Variants in RFFL observed in about 807,000 individuals in gnomAD.
RFFL encodes the protein E3 ubiquitin-protein ligase rififylin.
RFFL carries 16 observed loss-of-function variants against 40.4 expected under a neutral mutation model. That is an observed-to-expected ratio of 0.40 (90% CI 0.27 to 0.60). The LOEUF (loss-of-function observed/expected upper bound fraction) is 0.60, where lower values mean the gene tolerates loss of function less well. Ranked by LOEUF, RFFL falls within the 20% of genes least tolerant of loss-of-function variation. The pLI is 0.47. For missense variants in RFFL, 367 were observed against 451.7 expected (o/e 0.81, Z 1.70); for synonymous variants, 154 against 167.9 (o/e 0.92, Z 0.64).
Position 35,061,814 on chromosome 17 carries a change from G to A in RFFL, c.-9+1762C>T, listed in dbSNP as rs2091292927. 3.3e-5 allele frequency among the ~76,000 whole-genome samples: 5 copies of A among 151,898 alleles called. No homozygotes were observed. In the South Asian group the frequency reaches 1.0e-3, roughly 32 times the overall value. ...TCCTGCTTCAGCATCCTGAGTAACT[G>A]GGATTATAGGCACGTGCCACCACGC... On this transcript the variant is annotated intron_variant, in intron 1 of 6. Coordinates refer to ENST00000394597, the MANE Select transcript of RFFL (RefSeq NM_001017368.2).
upstream of RFFL, among the ~76,000 whole-genome samples, chr17:35,067,921 C>G (rs1446823885): frequency 6.6e-6 from 1 of 152,118 alleles, no homozygotes; most frequent in Non-Finnish European, 1.5e-5. Context: ...GTCCGCTCAC[C>G]CACAAGAACC....
intron 1 of RFFL, among the ~76,000 whole-genome samples, chr17:35,027,041 C>G (rs1198737727): frequency 1.3e-5 from 2 of 152,130 alleles, no homozygotes; most frequent in Non-Finnish European, 2.9e-5. Context: ...AATGATGCAA[C>G]CCAGACTCAA....
In RFFL at chr17:35,021,631, C is replaced by A; in HGVS notation, c.331G>T (p.Asp111Tyr). 6.2e-7 allele frequency: 1 copy of A among 1,614,226 alleles called. No individual in the cohort carries two copies. The highest frequency in any genetic ancestry group is 8.5e-7 in the Non-Finnish European group (1 of 1,180,046). Reference protein sequence around the residue: ...LMKMKVKDLRDYLSLHDISTE... With the variant: ...LMKMKVKDLRYYLSLHDISTE... Reference sequence around the variant, plus strand: ...GAGATGTCATGGAGGCTGAGATAGTCCCTCAAGTCCTTCACCTTCATCTTC... The same window carrying A: ...GAGATGTCATGGAGGCTGAGATAGTACCTCAAGTCCTTCACCTTCATCTTC... Residue 111 changes from aspartate (D) to tyrosine (Y), a missense_variant, in exon 3 of 7, where the codon GAC (aspartate) becomes TAC (tyrosine). Transcript: ENST00000394597.
intron 1 of RFFL, among the ~76,000 whole-genome samples, chr17:35,040,371 GC>G (rs1234751156): frequency 1.4e-5 from 2 of 143,786 alleles, no homozygotes; most frequent in Non-Finnish European, 3.2e-5. Context: ...GGAGGCCAAG[GC>G]GGGCAGATCA....
intron 6 of RFFL, 143 bp from the exon 7 acceptor site, chr17:35,012,292 G>A (rs2090945918): frequency 1.5e-6 from 1 of 657,538 alleles, no homozygotes; most frequent in East Asian, 2.8e-5. Context: ...CCCTCAAATA[G>A]AGCTCCTCCG....
chr17:35,029,521 CT>C (rs34986105), intron 1 of RFFL, among the ~76,000 whole-genome samples: 40,283 of 114,750 alleles, frequency 0.35, 6,666 homozygotes, highest in Non-Finnish European at 0.44. Flanking sequence ...TTTTTGCTTT[CT>C]TTTTTTTTTT....
chr17:35,074,366 T>G (rs2091365728), intron 1 of RFFL: 1 of 152,232 alleles, frequency 6.6e-6, no homozygotes, highest in South Asian at 2.1e-4. Flanking sequence ...TGCTGTGGTT[T>G]TTGGATGTTT....
intron 3 of RFFL, 29 bp from the exon 4 acceptor site, chr17:35,017,635 C>T: frequency 1.4e-6 from 2 of 1,418,628 alleles, no homozygotes; most frequent in Non-Finnish European, 2.0e-6. Flanking sequence ...AACATCACAT[C>T]TAGAGATGTC....
rs1430187068 is a variant in RFFL at position 35,026,518 on chromosome 17, A to T, written c.36T>A (p.Asp12Glu). The change falls in exon 2 of 7, where the codon GAT becomes GAA. Residue 12 changes from aspartate (D) to glutamate (E), a missense_variant. Asp to Glu is a conservative substitution (Grantham distance 45). Transcript: ENST00000394597. ...WATCCNWFCL[D>E]GQPEEVPPPQ... ...GTGGTGGGACCTCCTCAGGCTGTCCATCCAGGCAGAACCAGTTGCAGCAGG... is the reference window on the plus strand; with the variant it reads ...GTGGTGGGACCTCCTCAGGCTGTCCTTCCAGGCAGAACCAGTTGCAGCAGG... The T allele has an allele frequency of 6.2e-7, 1 of 1,611,412 alleles. No individual in the cohort carries two copies. The highest frequency in any genetic ancestry group is 8.5e-7 in the Non-Finnish European group (1 of 1,179,248).
At chr17:35,014,835 A>T (rs1217493370) in intron 5 of RFFL, 72 bp from the exon 6 acceptor site, 2 of 1,454,368 alleles carry the variant, frequency 1.4e-6, no homozygotes, top group African/African-American at 2.8e-5. Context: ...TACTGCCCTG[A>T]CATCATTTCT....
chr17:35,014,815 T>C (rs2074519), intron 5 of RFFL, 52 bp from the exon 6 acceptor site: 910,877 of 1,562,206 alleles, frequency 0.58, 268,948 homozygotes, highest in African/African-American at 0.85. Context: ...ATGGTACAAA[T>C]ACAGTCTCTT....
rs373479228 is a variant in RFFL at position 35,016,502 on chromosome 17, C to T, written c.754G>A (p.Gly252Ser). ...SDLTDLEDIE[G>S]LTVRQLKEIL... ...TCTTTCAGCTGCCGCACTGTCAGGC[C>T]TTCAATGTCCTCCAGGTCAGTCAGG... is the stretch of plus-strand genomic sequence containing the variant. The change falls in exon 5 of 7, where the codon GGC (glycine) becomes AGC (serine). Residue 252 changes from glycine (G) to serine (S), a missense_variant. Coordinates refer to ENST00000394597, the MANE Select transcript of RFFL (RefSeq NM_001017368.2). The T allele has an allele frequency of 1.2e-6, 2 of 1,614,206 alleles. No individual in the cohort carries two copies. Among genetic ancestry groups the T allele is most frequent in the South Asian group, 1.1e-5 (1 of 91,086 alleles).
intron 1 of RFFL, among the ~76,000 whole-genome samples, chr17:35,077,515 TAGGGGTGAAGGGAAACCC>T (rs2142383542): frequency 1.3e-5 from 2 of 152,348 alleles, no homozygotes; most frequent in African/African-American, 4.8e-5. Context: ...GGCAACAGAT[TAGGGGTGAAGGGAAACCC>T]TTACAAAGCT....
chr17:35,029,622 A>G (rs1324254321), intron 1 of RFFL, among the ~76,000 whole-genome samples: 2 of 148,910 alleles, frequency 1.3e-5, no homozygotes, highest in East Asian at 3.9e-4. Context: ...CCGGGTTCAC[A>G]CCATTCTCCT....
intron 1 of RFFL, among the ~76,000 whole-genome samples, chr17:35,079,235 G>A (rs2091392427): frequency 6.6e-6 from 1 of 152,118 alleles, no homozygotes; most frequent in African/African-American, 2.4e-5. Flanking sequence ...TGTTGGCCAG[G>A]CTGGTCTTGA....
chr17:35,073,574 A>G (rs1479824439), intron 1 of RFFL, among the ~76,000 whole-genome samples: 3 of 152,342 alleles, frequency 2.0e-5, no homozygotes, highest in African/African-American at 7.2e-5. Context: ...TGAAGGCAGA[A>G]TATTTGCCTC....
chr17:35,013,711 T>A (rs1318682486), intron 6 of RFFL, among the ~76,000 whole-genome samples: 2 of 152,084 alleles, frequency 1.3e-5, no homozygotes, highest in African/African-American at 4.8e-5. Context: ...TGGGAATAAT[T>A]TATAATTTTC....
chr17:35,016,548 G>A lies in RFFL; in HGVS notation c.708C>T (p.Gly236=), dbSNP rs1323678476. ...TCAGGTCAGACAGAGAGGCCCTTCGGCCTGGGACAAAGCTGTCCTCTGAGT... is the reference window on the plus strand; with the variant it reads ...TCAGGTCAGACAGAGAGGCCCTTCGACCTGGGACAAAGCTGTCCTCTGAGT... The part of the protein sequence containing the change: ...SIDSEDSFVP[G]RRASLSDLTD... The change falls in exon 5 of 7, where the codon GGC becomes GGT. Residue 236 remains glycine, a synonymous_variant. Coordinates refer to ENST00000394597, the MANE Select transcript of RFFL (RefSeq NM_001017368.2). 2 of 1,614,146 alleles carry A rather than the reference G, an allele frequency of 1.2e-6. No homozygotes were observed. Among genetic ancestry groups the A allele is most frequent in the Admixed American group, 3.3e-5 (2 of 60,026 alleles).
rs2090932534 is a variant in RFFL at position 35,010,744 on chromosome 17, T to TAAAAA, written c.*1223_*1224insTTTTT. ...TCCAGCCTGGGCAACAGAGTGAGACTCAAAAAAAAAAAAAAAATGCTTTCT... is the reference window on the plus strand; with the variant it reads ...TCCAGCCTGGGCAACAGAGTGAGACTAAAAACAAAAAAAAAAAAAAAATGCTTTCT... On this transcript the variant is annotated 3_prime_UTR_variant, in exon 7 of 7. Transcript: ENST00000394597. The TAAAAA allele has an allele frequency of 1.6e-5, 1 of 63,028 alleles. No homozygotes were observed. The highest frequency in any genetic ancestry group is 1.0e-4 in the African/African-American group (1 of 9,676). 3.9% of individuals were successfully genotyped at this position (63,028 alleles called of 1,614,324 possible).
Sources: gnomAD v4.1 joint callset for allele counts (sites outside exome capture counted in the v4.1 genomes callset) on GRCh38, gnomAD v4.1.1 for gene constraint, MANE v1.5 for transcripts, NCBI Gene and HGNC (gene_info 2026-07-23, HGNC 2026-07-21) for gene names.